RAD51AP1: variants seen among roughly 807,000 people sequenced by gnomAD.
The protein encoded by RAD51AP1 is RAD51-associated protein 1.
A neutral mutation model predicts 34.3 loss-of-function variants in RAD51AP1; 14 were observed. The observed-to-expected ratio is 0.41, with a 90% CI of 0.27 to 0.64. The LOEUF (loss-of-function observed/expected upper bound fraction) is 0.64. RAD51AP1 is among the 30% of genes least tolerant of loss of function. The pLI is 0.33. For synonymous variants in RAD51AP1, 114 were observed against 129.8 expected, an observed-to-expected ratio of 0.88 and a Z score of 0.83; for missense variants, 348 against 386.9, an observed-to-expected ratio of 0.90 and a Z score of 0.84.
chr12:4,556,687 A>G (rs1434739971), intron 8 of RAD51AP1, 185 bp downstream of exon 8: 4 of 657,360 alleles, frequency 6.1e-6, no homozygotes, highest in Admixed American at 3.2e-5. Context: ...ATCCAGGTTT[A>G]TTATTTTTTC....
rs560018587 is a variant in RAD51AP1 at position 4,545,815 on chromosome 12, T to C, written c.210-494T>C. On this transcript the variant is annotated intron_variant, in intron 3 of 8. Transcript: ENST00000352618. ...AAGGTACTTTTAGTATTCCAGCTAG[T>C]GCAGTGCCTTGTACAAAGTAAGTGC... 6 of 1,613,322 alleles carry C rather than the reference T, an allele frequency of 3.7e-6. No homozygotes were observed. In the South Asian group the frequency reaches 5.5e-5, roughly 15 times the overall value.
chr12:4,543,695 CAT>C lies in RAD51AP1; in HGVS notation c.68-67_68-66del, dbSNP rs1414828301. The stretch of plus-strand genomic sequence containing the variant: ...CCTAGCCTATAAAAACTTGAACACA[CAT>C]GGTAATGATTTTCATTTATGAAGAA... On this transcript the variant is annotated intron_variant, in intron 2 of 8. Transcript: ENST00000352618. 3 of 1,153,640 alleles carry C rather than the reference CAT, an allele frequency of 2.6e-6. No individual in the cohort carries two copies. The South Asian group carries it at 5.6e-5, about 22-fold the overall frequency. The allele number at this position is 1,153,640 out of a possible 1,614,324, so 71.5% of individuals were successfully genotyped here.
chr12:4,553,251 G>T, intron 7 of RAD51AP1, 104 bp downstream of exon 7: 1 of 1,018,388 alleles, frequency 9.8e-7, no homozygotes, highest in Non-Finnish European at 1.4e-6. Flanking sequence ...TTTTCCTAAC[G>T]TCCATTTCTT....
chr12:4,551,551 A>G (rs1241575601), intron 6 of RAD51AP1, among the ~76,000 whole-genome samples: 2 of 152,012 alleles, frequency 1.3e-5, no homozygotes, highest in Non-Finnish European at 2.9e-5. Context: ...TAGAAAACAG[A>G]CAAATCCAGA....
At position 4,543,875 on chromosome 12, in the gene RAD51AP1, C is replaced by T; in HGVS notation, c.180C>T (p.Ile60=). Residue 60 remains isoleucine (I), a synonymous_variant, in exon 3 of 9, where the codon ATC becomes ATT. Transcript: ENST00000352618. ...PNLNNLRKEE[I]PVQEKTPKKR... ...TGAACAATCTCCGGAAAGAAGAAAT[C>T]CCAGTACAAGAGAAAACCCCTAAAA... The T allele has an allele frequency of 1.9e-6, 3 of 1,612,050 alleles. No homozygotes were observed. Among genetic ancestry groups the T allele is most frequent in the Non-Finnish European group, 2.5e-6 (3 of 1,178,824 alleles).
At chr12:4,544,341 T>G (rs74061956) in intron 3 of RAD51AP1, among the ~76,000 whole-genome samples, 5,109 of 152,252 alleles carry the variant, frequency 0.034, 265 homozygotes, top group African/African-American at 0.12. Flanking sequence ...TTAAGATTTA[T>G]CCAGCAGTGA....
At chr12:4,556,995 T>G (rs1044186551) in intron 8 of RAD51AP1, among the ~76,000 whole-genome samples, 19 of 152,190 alleles carry the variant, frequency 1.2e-4, no homozygotes, top group African/African-American at 4.6e-4. Flanking sequence ...CTGTTTTCTT[T>G]TGCTCCACAG....
chr12:4,551,229 CTCACACCTGTAA>C (rs1944544207), intron 6 of RAD51AP1, among the ~76,000 whole-genome samples: 1 of 152,066 alleles, frequency 6.6e-6, no homozygotes, highest in South Asian at 2.1e-4. Flanking sequence ...GGCACAGTGG[CTCACACCTGTAA>C]TCCCAGCACT....
At chr12:4,541,742 C>T (rs1591769628) in intron 1 of RAD51AP1, 142 bp from the exon 2 acceptor site, 2 of 274,486 alleles carry the variant, frequency 7.3e-6, no homozygotes, top group Non-Finnish European at 1.4e-5. Flanking sequence ...TCATTTAACA[C>T]ATTTTTATTT....
rs754838678 is a variant in RAD51AP1 at position 4,558,823 on chromosome 12, C to T, written c.872-34C>T. 3.1e-6 allele frequency: 5 copies of T among 1,595,140 alleles called. No homozygotes were observed. The Admixed American group carries it at 7.0e-5, about 22-fold the overall frequency. On this transcript the variant is annotated intron_variant, in intron 8 of 8. Coordinates refer to ENST00000352618, the MANE Select transcript of RAD51AP1 (RefSeq NM_006479.5). ...TTAATCTTTGTTAAGAGATTTCTGACATCATCAGCATCACATCATATGTTT... is the reference window on the plus strand; with the variant it reads ...TTAATCTTTGTTAAGAGATTTCTGATATCATCAGCATCACATCATATGTTT...
In RAD51AP1 at chr12:4,556,353, T is replaced by C. The variant is rs61400910; in HGVS notation, c.722T>C (p.Val241Ala). Reference protein sequence around the residue: ...KKSKSKCNALVTSVDSAPAAV... With the variant: ...KKSKSKCNALATSVDSAPAAV... Reference sequence around the variant, plus strand: ...TTTTTACGTATATTTTTCAAATAAGTGACTTCGGTGGACTCTGCTCCAGCT... The same window carrying C: ...TTTTTACGTATATTTTTCAAATAAGCGACTTCGGTGGACTCTGCTCCAGCT... Residue 241 changes from valine (V) to alanine (A), a missense_variant and splice_region_variant, in exon 8 of 9, where the codon GTG becomes GCG. By Grantham distance (64) the Val-to-Ala change is moderately conservative. Coordinates refer to ENST00000352618, the MANE Select transcript of RAD51AP1 (RefSeq NM_006479.5). The C allele has an allele frequency of 1.2e-4, 190 of 1,608,306 alleles. 2 individuals are homozygous for C. In the African/African-American group the frequency reaches 2.4e-3, roughly 20 times the overall value.
chr12:4,548,305 C>G, intron 5 of RAD51AP1, 127 bp downstream of exon 5: 2 of 1,270,412 alleles, frequency 1.6e-6, no homozygotes, highest in Non-Finnish European at 2.1e-6. Context: ...ATGTCATGGC[C>G]TTTATTTCTT....
intron 3 of RAD51AP1, chr12:4,545,770 CT>C: frequency 1.2e-6 from 2 of 1,612,840 alleles, no homozygotes; most frequent in African/African-American, 1.3e-5. Context: ...CACCCTCCTC[CT>C]TTAATTGCAG....
intron 7 of RAD51AP1, among the ~76,000 whole-genome samples, chr12:4,556,064 C>T (rs1225519988): frequency 6.6e-6 from 1 of 152,168 alleles, no homozygotes; most frequent in Non-Finnish European, 1.5e-5. Context: ...TGTCAGACTA[C>T]AGGCAGATTG....
chr12:4,545,805 T>C, intron 3 of RAD51AP1: 2 of 1,613,444 alleles, frequency 1.2e-6, no homozygotes, highest in South Asian at 2.2e-5. Flanking sequence ...ACTTTTAGTA[T>C]TCCAGCTAGT....
chr12:4,541,004 CATTTT>C (rs1944462655), intron 1 of RAD51AP1, among the ~76,000 whole-genome samples: 3 of 152,126 alleles, frequency 2.0e-5, no homozygotes, highest in African/African-American at 4.8e-5. Context: ...ACTAGAAAAA[CATTTT>C]ATTTAGTGCC....
intron 8 of RAD51AP1, among the ~76,000 whole-genome samples, chr12:4,556,774 C>T (rs1944586096): frequency 6.6e-6 from 1 of 152,024 alleles, no homozygotes. Flanking sequence ...GATTATTTTC[C>T]TAGGATAAAA....
chr12:4,552,027 A>AT (rs1944550660), intron 6 of RAD51AP1, among the ~76,000 whole-genome samples: 1 of 152,142 alleles, frequency 6.6e-6, no homozygotes, highest in Non-Finnish European at 1.5e-5. Flanking sequence ...GAGTGGTGAG[A>AT]TTACAGAGTA....
At chr12:4,552,955 A>C in intron 6 of RAD51AP1, 28 bp from the exon 7 acceptor site, 1 of 1,529,038 alleles carries the variant, frequency 6.5e-7, no homozygotes, top group Non-Finnish European at 8.7e-7. Context: ...TTTAGAGCAA[A>C]GATGAACTAT....
Sources: allele counts gnomAD v4.1 joint callset (sites outside exome capture counted in the v4.1 genomes callset), GRCh38; gene constraint gnomAD v4.1.1; transcripts MANE v1.5; gene names NCBI Gene and HGNC (gene_info 2026-07-23, HGNC 2026-07-21).